Variants in SMIM20 observed in about 807,000 individuals in gnomAD.
SMIM20 encodes the protein small integral membrane protein 20.
In SMIM20, 3 loss-of-function variants were observed where a neutral mutation model predicts 8.7. That is an observed-to-expected ratio of 0.34 (90% CI 0.16 to 0.89). SMIM20 has a LOEUF of 0.89. Ranked by LOEUF, SMIM20 falls within the 40% of genes least tolerant of loss-of-function variation. The pLI is 0.49. For synonymous variants in SMIM20, 44 were observed against 33.6 expected (o/e 1.31, Z -1.07); for missense variants, 85 against 84.8 (o/e 1.00, Z -0.01).
intron 1 of SMIM20, 129 bp from the exon 2 acceptor site, chr4:25,928,184 G>T (rs945341494): frequency 1.2e-6 from 1 of 815,374 alleles, no homozygotes; most frequent in Non-Finnish European, 1.9e-6. Context: ...GCATAATAGC[G>T]TATCTGAATT....
intron 1 of SMIM20, among the ~76,000 whole-genome samples, chr4:25,924,223 A>C (rs374011973): frequency 2.0e-5 from 3 of 152,332 alleles, no homozygotes; most frequent in South Asian, 2.1e-4. Flanking sequence ...AAGCTTTTGA[A>C]AAAAATTTTA....
chr4:25,923,311 T>C (rs1025810605), intron 1 of SMIM20, among the ~76,000 whole-genome samples: 6 of 152,236 alleles, frequency 3.9e-5, no homozygotes, highest in African/African-American at 1.4e-4. Flanking sequence ...AATATGGCCT[T>C]TTACAAATAA....
intron 1 of SMIM20, among the ~76,000 whole-genome samples, chr4:25,921,530 AAAGAC>A (rs1299376994): frequency 1.3e-5 from 2 of 152,192 alleles, no homozygotes; most frequent in Non-Finnish European, 1.5e-5. Context: ...TTAGGGGTGA[AAAGAC>A]AAGTTAGTTT....
intron 1 of SMIM20, among the ~76,000 whole-genome samples, chr4:25,917,946 GTT>G (rs537806550): frequency 1.6e-5 from 2 of 127,988 alleles, no homozygotes; most frequent in African/African-American, 3.0e-5. Flanking sequence ...TTTTTTTTTT[GTT>G]TTTTTTTTTT....
intron 1 of SMIM20, among the ~76,000 whole-genome samples, chr4:25,916,701 A>G (rs1719099377): frequency 6.6e-6 from 1 of 151,896 alleles, no homozygotes; most frequent in Admixed American, 6.6e-5. Context: ...GAATCCAGGC[A>G]TGCACCACCA....
At chr4:25,925,662 C>G (rs1006008021) in intron 1 of SMIM20, among the ~76,000 whole-genome samples, 2 of 152,180 alleles carry the variant, frequency 1.3e-5, no homozygotes, top group Non-Finnish European at 2.9e-5. Context: ...CACTAGAGCA[C>G]CCTCAACGAA....
intron 1 of SMIM20, among the ~76,000 whole-genome samples, chr4:25,924,785 C>A (rs574770077): frequency 1.7e-4 from 26 of 152,254 alleles, no homozygotes; most frequent in Non-Finnish European, 3.4e-4. Context: ...AATCACAATG[C>A]GGTTTTCCAA....
In SMIM20 at chr4:25,919,126, G is replaced by A. The variant is rs891533763; in HGVS notation, c.109+4704G>A. On this transcript the variant is annotated intron_variant, in intron 1 of 2. Transcript: ENST00000506197. Reference sequence around the variant, plus strand: ...TCACCTTGTTAGCCAGGATGGTCTCGATCTCCTGACCTCATGATCCACCCG... The same window carrying A: ...TCACCTTGTTAGCCAGGATGGTCTCAATCTCCTGACCTCATGATCCACCCG... Among the ~76,000 whole-genome samples the A allele has an allele frequency of 1.3e-4, 19 of 147,198 alleles. No individual in the cohort carries two copies. The East Asian group carries it at 3.3e-3, about 26-fold the overall frequency.
intron 1 of SMIM20, among the ~76,000 whole-genome samples, chr4:25,915,143 T>A (rs1719061048): frequency 6.6e-6 from 1 of 152,168 alleles, no homozygotes; most frequent in South Asian, 2.1e-4. Context: ...GTTTTTCCGA[T>A]TCTGCTTGTT....
intron 1 of SMIM20, among the ~76,000 whole-genome samples, chr4:25,915,864 G>GGGGGGGC (rs1719081491): frequency 1.6e-5 from 2 of 126,644 alleles, no homozygotes; most frequent in African/African-American, 2.8e-5. Context: ...TGGGGCGGGG[G>GGGGGGGC]GGGGGTCGAG....
intron 1 of SMIM20, 41 bp from the exon 2 acceptor site, chr4:25,928,272 G>A (rs1425263819): frequency 3.5e-5 from 54 of 1,531,488 alleles, no homozygotes; most frequent in Non-Finnish European, 4.5e-5. Context: ...CTCTCTCCCC[G>A]CCCCCCTTCT....
In SMIM20 at chr4:25,919,066, G is replaced by A. The variant is rs561138377; in HGVS notation, c.109+4644G>A. ...ACTACAGGCGCCCGCCACCGCGCCCGGCTAATTTTTTGTATTTTTAGTAGA... is the reference window on the plus strand; with the variant it reads ...ACTACAGGCGCCCGCCACCGCGCCCAGCTAATTTTTTGTATTTTTAGTAGA... On this transcript the variant is annotated intron_variant, in intron 1 of 2. Coordinates refer to ENST00000506197, the MANE Select transcript of SMIM20 (RefSeq NM_001145432.3). Among the ~76,000 whole-genome samples the A allele has an allele frequency of 8.8e-3, 1,317 of 148,994 alleles. 20 individuals are homozygous for A. The highest frequency in any genetic ancestry group is 0.031 in the African/African-American group (1,238 of 40,496).
At chr4:25,917,959 T>TTTTTTTG (rs1719123346) in intron 1 of SMIM20, among the ~76,000 whole-genome samples, 1 of 150,882 alleles carries the variant, frequency 6.6e-6, no homozygotes, top group African/African-American at 2.4e-5. Context: ...TTTTTTTTTT[T>TTTTTTTG]TGAGACAGAG....
Position 25,923,210 on chromosome 4 carries a change from G to T in SMIM20, c.110-5103G>T, listed in dbSNP as rs942948473. On this transcript the variant is annotated intron_variant, in intron 1 of 2. Transcript: ENST00000506197. ...ACACTTTTTAGCTTTCACCCTGTTG[G>T]CATAGCATGTTTGGTCTGAAGAGGC... Among the ~76,000 whole-genome samples the T allele has an allele frequency of 7.9e-5, 12 of 152,282 alleles. No individual in the cohort carries two copies. In the East Asian group the frequency reaches 2.1e-3, roughly 27 times the overall value.
At chr4:25,926,378 G>C (rs138271234) in intron 1 of SMIM20, among the ~76,000 whole-genome samples, 1 of 152,330 alleles carries the variant, frequency 6.6e-6, no homozygotes, top group East Asian at 1.9e-4. Flanking sequence ...ATGTAGATAG[G>C]ATGCTAATAC....
chr4:25,915,855 GGGGC>G (rs201905190), intron 1 of SMIM20, among the ~76,000 whole-genome samples: 3,711 of 103,656 alleles, frequency 0.036, 602 homozygotes, highest in African/African-American at 0.13. Flanking sequence ...AACTTGGGAT[GGGGC>G]GGGGGGGGGG....
intron 1 of SMIM20, among the ~76,000 whole-genome samples, chr4:25,926,549 G>T (rs1011629632): frequency 3.3e-5 from 5 of 152,232 alleles, no homozygotes; most frequent in African/African-American, 1.2e-4. Context: ...CAATTAGCAA[G>T]AAAGTGTGAA....
intron 1 of SMIM20, among the ~76,000 whole-genome samples, chr4:25,919,953 A>G (rs1236984712): frequency 6.6e-6 from 1 of 152,136 alleles, no homozygotes; most frequent in Non-Finnish European, 1.5e-5. Context: ...TTACTCACCG[A>G]CGCTGCTTAC....
At chr4:25,919,331 TC>T (rs1352414075) in intron 1 of SMIM20, among the ~76,000 whole-genome samples, 7 of 152,130 alleles carry the variant, frequency 4.6e-5, no homozygotes, top group African/African-American at 1.7e-4. Flanking sequence ...TTTTCTCACC[TC>T]ATTTTGTGTC....
Sources: allele counts gnomAD v4.1 joint callset (sites outside exome capture counted in the v4.1 genomes callset), GRCh38; gene constraint gnomAD v4.1.1; transcripts MANE v1.5; gene names NCBI Gene and HGNC (gene_info 2026-07-23, HGNC 2026-07-21).